Variants in BZW2 observed in about 807,000 individuals in gnomAD.
The protein encoded by BZW2 is basic leucine zipper and W2 domains 2, also known as eIF5-mimic protein 1.
BZW2 carries 23 observed loss-of-function variants against 53.2 expected under a neutral mutation model. The ratio of observed to expected loss-of-function variants is 0.43; its 90% CI spans 0.31 to 0.61. BZW2 has a LOEUF of 0.61. BZW2 is among the 20% of genes least tolerant of loss of function. The pLI is 0.09. For synonymous variants in BZW2, 227 were observed against 186.4 expected (o/e 1.22, Z -1.77); for missense variants, 409 against 503.1 (o/e 0.81, Z 1.79).
intron 3 of BZW2, among the ~76,000 whole-genome samples, chr7:16,676,458 G>T (rs1782768318): frequency 6.6e-6 from 1 of 152,126 alleles, no homozygotes; most frequent in African/African-American, 2.4e-5. Flanking sequence ...TGAGGCAGGA[G>T]AATCTCTTGA....
At chr7:16,649,658 G>T (rs966764164) in intron 1 of BZW2, among the ~76,000 whole-genome samples, 1 of 151,924 alleles carries the variant, frequency 6.6e-6, no homozygotes, top group African/African-American at 2.4e-5. Context: ...TTAGACTTAG[G>T]TATCTTTATT....
intron 1 of BZW2, among the ~76,000 whole-genome samples, chr7:16,655,199 A>G (rs1017838087): frequency 3.9e-5 from 6 of 152,212 alleles, no homozygotes; most frequent in Admixed American, 1.3e-4. Flanking sequence ...TATAGTCAAA[A>G]GAATGATCTG....
intron 3 of BZW2, 35 bp from the exon 4 acceptor site, chr7:16,681,266 T>C (rs780161221): frequency 3.3e-6 from 5 of 1,515,876 alleles, no homozygotes; most frequent in Non-Finnish European, 4.6e-6. Context: ...TCAATTTCAG[T>C]ATTATCCTAA....
chr7:16,699,824 A>G (rs1783614675), intron 10 of BZW2, among the ~76,000 whole-genome samples: 1 of 152,128 alleles, frequency 6.6e-6, no homozygotes. Context: ...TCTTATAACA[A>G]CTACTGACAG....
chr7:16,661,726 G>C (rs1045107710), intron 1 of BZW2, among the ~76,000 whole-genome samples: 1 of 151,970 alleles, frequency 6.6e-6, no homozygotes, highest in Non-Finnish European at 1.5e-5. Context: ...AAATACTTAA[G>C]TCCATTTTGT....
In BZW2 at chr7:16,682,885, T is replaced by C. The variant is rs369597008; in HGVS notation, c.405+40T>C. The C allele has an allele frequency of 7.8e-6, 11 of 1,401,570 alleles. No homozygotes were observed. In the African/African-American group the frequency reaches 8.7e-5, roughly 11 times the overall value. 86.8% of individuals were successfully genotyped at this position (1,401,570 alleles called of 1,614,324 possible). ...ATAATGCCTATCTGTTTTATAGTAA[T>C]GACATGGGGGTGGATAAAAATTTTA... On this transcript the variant is annotated intron_variant, in intron 5 of 11. Transcript: ENST00000258761.
intron 7 of BZW2, among the ~76,000 whole-genome samples, chr7:16,691,878 C>CTGTGTG (rs10611881): frequency 2.7e-5 from 4 of 149,578 alleles, no homozygotes; most frequent in Non-Finnish European, 3.0e-5. Flanking sequence ...TTACTAGGTT[C>CTGTGTG]TGTGTGTGTG....
intron 1 of BZW2, among the ~76,000 whole-genome samples, chr7:16,663,169 A>C (rs1043258287): frequency 6.6e-6 from 1 of 152,330 alleles, no homozygotes; most frequent in Non-Finnish European, 1.5e-5. Context: ...TCATTGATTA[A>C]GTTTATAGCA....
At chr7:16,699,562 T>G (rs569950881) in intron 10 of BZW2, among the ~76,000 whole-genome samples, 3 of 152,322 alleles carry the variant, frequency 2.0e-5, no homozygotes, top group African/African-American at 7.2e-5. Flanking sequence ...TACCTGAACA[T>G]AGTTTGCTTT....
chr7:16,704,701 T>G (rs921995914), intron 11 of BZW2, 32 bp downstream of exon 11: 1 of 1,515,254 alleles, frequency 6.6e-7, no homozygotes, highest in Admixed American at 1.7e-5. Flanking sequence ...TTGATGACCT[T>G]TAAACACTGT....
intron 3 of BZW2, among the ~76,000 whole-genome samples, chr7:16,676,586 ATG>A (rs56705072): frequency 0.26 from 38,774 of 151,972 alleles, 5,259 homozygotes; most frequent in East Asian, 0.38. Flanking sequence ...ACCTTTAACA[ATG>A]TTAGCTACCT....
chr7:16,693,062 T>C (rs1783365111), intron 7 of BZW2, among the ~76,000 whole-genome samples: 1 of 152,224 alleles, frequency 6.6e-6, no homozygotes, highest in African/African-American at 2.4e-5. Flanking sequence ...CTTTGGCTTG[T>C]ATTCCAAATA....
chr7:16,698,200 T>C lies in BZW2; in HGVS notation c.1108+14T>C. 8 of 1,614,044 alleles carry C rather than the reference T, an allele frequency of 5.0e-6. No individual in the cohort carries two copies. The highest frequency in any genetic ancestry group is 6.8e-6 in the Non-Finnish European group (8 of 1,179,922). On this transcript the variant is annotated intron_variant, in intron 10 of 11. Transcript: ENST00000258761. The stretch of plus-strand genomic sequence containing the variant: ...TCTTTTATAAAGGTATCCATCCACG[T>C]GCCACTGCTGTGCTTCTGTGTTTTG...
chr7:16,689,924 A>G lies in BZW2; in HGVS notation c.651+18A>G, dbSNP rs550690348. 2.2e-5 allele frequency: 35 copies of G among 1,593,592 alleles called. No homozygotes were observed. The Admixed American group carries it at 2.7e-4, about 12-fold the overall frequency. On this transcript the variant is annotated intron_variant, in intron 7 of 11. Coordinates refer to ENST00000258761, the MANE Select transcript of BZW2 (RefSeq NM_014038.3). Reference sequence around the variant, plus strand: ...GGCTGCTTGTAAGTGTTTTCTGGTTAAAGAGTTGTATGTATGATGCCTTTC... The same window carrying G: ...GGCTGCTTGTAAGTGTTTTCTGGTTGAAGAGTTGTATGTATGATGCCTTTC...
At chr7:16,666,663 A>G (rs1782437828) in intron 2 of BZW2, among the ~76,000 whole-genome samples, 1 of 152,058 alleles carries the variant, frequency 6.6e-6, no homozygotes, top group African/African-American at 2.4e-5. Context: ...TTTATTATTA[A>G]TTAATTAGTG....
At chr7:16,659,602 A>G (rs1214793079) in intron 1 of BZW2, among the ~76,000 whole-genome samples, 1 of 152,094 alleles carries the variant, frequency 6.6e-6, no homozygotes, top group Non-Finnish European at 1.5e-5. Context: ...GCATTAATGG[A>G]AAGGAAAATG....
intron 5 of BZW2, among the ~76,000 whole-genome samples, chr7:16,683,475 A>G (rs900643210): frequency 6.6e-6 from 1 of 152,248 alleles, no homozygotes; most frequent in African/African-American, 2.4e-5. Context: ...AGATAAAGTG[A>G]TTTAAGTAGT....
At chr7:16,675,186 A>G (rs1032491125) in intron 3 of BZW2, among the ~76,000 whole-genome samples, 17 of 152,210 alleles carry the variant, frequency 1.1e-4, no homozygotes, top group African/African-American at 3.6e-4. Context: ...ATATTTATTA[A>G]GTATAATAGC....
chr7:16,669,465 T>G (rs1782535797), intron 2 of BZW2, among the ~76,000 whole-genome samples: 1 of 152,224 alleles, frequency 6.6e-6, no homozygotes, highest in South Asian at 2.1e-4. Context: ...AGCTTTATAG[T>G]AAGTGGTGTT....
Sources: gnomAD v4.1 joint callset for allele counts (sites outside exome capture counted in the v4.1 genomes callset) on GRCh38, gnomAD v4.1.1 for gene constraint, MANE v1.5 for transcripts, NCBI Gene and HGNC (gene_info 2026-07-23, HGNC 2026-07-21) for gene names.